DOCK1: variants seen among roughly 807,000 people sequenced by gnomAD.
DOCK1 encodes the protein dedicator of cytokinesis protein 1.
Under a neutral mutation model 262.7 loss-of-function variants are expected in DOCK1, and 138 were observed. That is an observed-to-expected ratio of 0.53 (90% CI 0.46 to 0.61). The LOEUF (loss-of-function observed/expected upper bound fraction) is 0.61. Ranked by LOEUF, DOCK1 falls within the 20% of genes least tolerant of loss-of-function variation. The pLI, the probability that DOCK1 is intolerant of heterozygous loss-of-function variation, is 0.00. For synonymous variants in DOCK1, 866 were observed against 867.4 expected (o/e 1.00, Z 0.03); for missense variants, 1,908 against 2,370.7 (o/e 0.80, Z 4.05).
At chr10:127,369,910 G>T (rs2134004845) in intron 33 of DOCK1, among the ~76,000 whole-genome samples, 1 of 152,338 alleles carries the variant, frequency 6.6e-6, no homozygotes, top group Non-Finnish European at 1.5e-5. Flanking sequence ...TGATGGATCG[G>T]GAGGGACCAG....
chr10:127,263,749 C>A (rs1360639393), intron 29 of DOCK1, among the ~76,000 whole-genome samples: 1 of 152,170 alleles, frequency 6.6e-6, no homozygotes, highest in African/African-American at 2.4e-5. Context: ...GTGTGTGCAG[C>A]ATAGTCTAAA....
In DOCK1 at chr10:127,337,922, C is replaced by T. The variant is rs562563949; in HGVS notation, c.3045-1084C>T. On this transcript the variant is annotated intron_variant, in intron 29 of 51. Coordinates refer to ENST00000623213, the MANE Select transcript of DOCK1 (RefSeq NM_001290223.2). ...GGCGGGAGGTGGTGGTGGCAGGTGGCGATGGAGACCTCCTTAAAACCCCAG... is the reference window on the plus strand; with the variant it reads ...GGCGGGAGGTGGTGGTGGCAGGTGGTGATGGAGACCTCCTTAAAACCCCAG... 5.3e-5 allele frequency among the ~76,000 whole-genome samples: 8 copies of T among 152,308 alleles called. No homozygotes were observed. In the East Asian group the frequency reaches 7.7e-4, roughly 15 times the overall value.
intron 33 of DOCK1, among the ~76,000 whole-genome samples, chr10:127,371,605 C>T (rs563784423): frequency 1.3e-5 from 2 of 152,348 alleles, no homozygotes; most frequent in African/African-American, 4.8e-5. Flanking sequence ...TCTGCATTCT[C>T]TGTACCTTTC....
chr10:127,408,529 C>G (rs753061784), intron 40 of DOCK1, among the ~76,000 whole-genome samples: 2 of 152,232 alleles, frequency 1.3e-5, no homozygotes, highest in African/African-American at 2.4e-5. Flanking sequence ...AGTCAGCGCC[C>G]GGCGGCCGTG....
chr10:127,081,966 T>A (rs1283534831), intron 23 of DOCK1, among the ~76,000 whole-genome samples: 1 of 152,198 alleles, frequency 6.6e-6, no homozygotes, highest in Non-Finnish European at 1.5e-5. Context: ...ATGTGGTGGT[T>A]CTTCACGCGA....
intron 1 of DOCK1, among the ~76,000 whole-genome samples, chr10:126,944,987 C>T (rs1282755782): frequency 6.6e-6 from 1 of 151,932 alleles, no homozygotes; most frequent in African/African-American, 2.4e-5. Context: ...TACAGGCGTG[C>T]ACCACCATAC....
intron 22 of DOCK1, among the ~76,000 whole-genome samples, chr10:127,060,590 A>G (rs1359258381): frequency 6.6e-6 from 1 of 152,246 alleles, no homozygotes; most frequent in Non-Finnish European, 1.5e-5. Context: ...AAAACATCTG[A>G]GTCACAATAT....
intron 1 of DOCK1, among the ~76,000 whole-genome samples, chr10:126,956,568 A>G (rs1208782548): frequency 6.6e-6 from 1 of 152,156 alleles, no homozygotes; most frequent in African/African-American, 2.4e-5. Context: ...GCTGGGAGAG[A>G]AAAGCAGCTC....
chr10:127,070,323 G>A (rs888977287), intron 23 of DOCK1, among the ~76,000 whole-genome samples: 9 of 126,414 alleles, frequency 7.1e-5, no homozygotes, highest in Admixed American at 1.1e-4. Flanking sequence ...GTGTGATCTC[G>A]GCTCACTGCA....
chr10:127,451,738 A>G lies in DOCK1; in HGVS notation c.*311A>G, dbSNP rs1010993910. On this transcript the variant is annotated 3_prime_UTR_variant, in exon 52 of 52. Transcript: ENST00000623213. ...CCCAAACATTCTTTCTTTTTGTGCCAAATGACTTGCATTTGCAAAGAGCTC... is the reference window on the plus strand; with the variant it reads ...CCCAAACATTCTTTCTTTTTGTGCCGAATGACTTGCATTTGCAAAGAGCTC... 1 of 405,826 alleles carries G rather than the reference A, an allele frequency of 2.5e-6. No homozygotes were observed. The highest frequency in any genetic ancestry group is 4.3e-6 in the Non-Finnish European group (1 of 232,064). 25.1% of individuals were successfully genotyped at this position (405,826 alleles called of 1,614,324 possible). A position where few individuals can be genotyped will look rare whatever the true frequency, so the allele number is the denominator to read the frequency against.
intron 6 of DOCK1, among the ~76,000 whole-genome samples, chr10:126,994,705 C>T (rs1405221410): frequency 6.6e-6 from 1 of 152,248 alleles, no homozygotes; most frequent in East Asian, 1.9e-4. Context: ...AATGGAGTCT[C>T]CCATGTCTAC....
At chr10:127,281,670 G>C (rs950983360) in intron 29 of DOCK1, among the ~76,000 whole-genome samples, 1 of 152,168 alleles carries the variant, frequency 6.6e-6, no homozygotes. Context: ...CCAGGGGCTT[G>C]TGGCAGTCAG....
intron 27 of DOCK1, among the ~76,000 whole-genome samples, chr10:127,169,548 T>C (rs1374837405): frequency 6.6e-6 from 1 of 152,212 alleles, no homozygotes; most frequent in East Asian, 1.9e-4. Flanking sequence ...GTGGCCCAAA[T>C]CTGGCTACCA....
chr10:127,428,594 G>GGCTGCCATGTGGATTGT (rs1279114557), intron 47 of DOCK1, among the ~76,000 whole-genome samples: 24 of 144,730 alleles, frequency 1.7e-4, no homozygotes, highest in African/African-American at 5.9e-4. Flanking sequence ...GTGTGGATTG[G>GGCTGCCATGTGGATTGT]GCTGCCATGT....
chr10:127,063,801 ATTAC>A (rs1309115337), intron 23 of DOCK1, among the ~76,000 whole-genome samples: 1 of 152,188 alleles, frequency 6.6e-6, no homozygotes, highest in Non-Finnish European at 1.5e-5. Flanking sequence ...TTGAAGTCAG[ATTAC>A]TTAGTGACTA....
At chr10:127,195,038 C>T (rs1311888788) in intron 27 of DOCK1, among the ~76,000 whole-genome samples, 1 of 152,218 alleles carries the variant, frequency 6.6e-6, no homozygotes, top group East Asian at 1.9e-4. Flanking sequence ...CTCCTATTTA[C>T]TCCAGAGGCA....
At chr10:127,112,793 G>A (rs1280843635) in intron 25 of DOCK1, among the ~76,000 whole-genome samples, 1 of 152,180 alleles carries the variant, frequency 6.6e-6, no homozygotes, top group Admixed American at 6.5e-5. Flanking sequence ...AGCTGTAACT[G>A]GCAGCTCAAA....
chr10:127,068,246 G>T (rs1321353987), intron 23 of DOCK1, among the ~76,000 whole-genome samples: 2 of 151,922 alleles, frequency 1.3e-5, no homozygotes, highest in Non-Finnish European at 2.9e-5. Context: ...TGCTTTTTGT[G>T]TATTTATTTC....
chr10:127,031,669 A>G lies in DOCK1; in HGVS notation c.1644A>G (p.Lys548=), dbSNP rs2043250092. Residue 548 remains lysine (K), a synonymous_variant, in exon 17 of 52, where the codon AAA becomes AAG. Transcript: ENST00000623213. The part of the protein sequence containing the change: ...SSQDSKDKSE[K]IFALAFVKLM... ...TTACAGCTAAGGATAAATCTGAGAA[A>G]ATATTTGCACTAGCATTTGTCAAGC... The G allele has an allele frequency of 6.2e-7, 1 of 1,610,136 alleles. No individual in the cohort carries two copies. The highest frequency in any genetic ancestry group is 1.3e-5 in the African/African-American group (1 of 74,850).
Sources: gnomAD v4.1 joint callset for allele counts (sites outside exome capture counted in the v4.1 genomes callset) on GRCh38, gnomAD v4.1.1 for gene constraint, MANE v1.5 for transcripts, NCBI Gene and HGNC (gene_info 2026-07-23, HGNC 2026-07-21) for gene names.